Variants in BRAP observed in about 807,000 individuals in gnomAD.
The protein encoded by BRAP is BRCA1-associated protein.
A neutral mutation model predicts 73.4 loss-of-function variants in BRAP; 42 were observed. That is an observed-to-expected ratio of 0.57 (90% CI 0.45 to 0.74). BRAP has a LOEUF of 0.74. BRAP is among the 30% of genes least tolerant of loss of function. The pLI is 0.00. For missense variants in BRAP, 593 were observed against 751.4 expected (o/e 0.79, Z 2.46); for synonymous variants, 255 against 267.4 (o/e 0.95, Z 0.45).
Position 111,659,365 on chromosome 12 carries a change from C to T in BRAP, c.973-20G>A, listed in dbSNP as rs1566116176. Reference sequence around the variant, plus strand: ...AAGATTCTGCCGGAAGAGGTAAGATCTTAATTAGTTAAATAAAAATAAATG... The same window carrying T: ...AAGATTCTGCCGGAAGAGGTAAGATTTTAATTAGTTAAATAAAAATAAATG... On this transcript the variant is annotated intron_variant, in intron 7 of 11. Transcript: ENST00000419234. 6.2e-7 allele frequency: 1 copy of T among 1,601,424 alleles called. No homozygotes were observed. The highest frequency in any genetic ancestry group is 8.5e-7 in the Non-Finnish European group (1 of 1,171,732).
chr12:111,658,083 C>T (rs1254944303), intron 9 of BRAP, among the ~76,000 whole-genome samples: 1 of 151,334 alleles, frequency 6.6e-6, no homozygotes, highest in Non-Finnish European at 1.5e-5. Flanking sequence ...GGATTACAGA[C>T]ATGAACCACC....
At chr12:111,678,405 T>A (rs944882118) in intron 4 of BRAP, among the ~76,000 whole-genome samples, 7 of 151,890 alleles carry the variant, frequency 4.6e-5, no homozygotes, top group Non-Finnish European at 8.8e-5. Flanking sequence ...ACGCCTGTAA[T>A]CCTAGCACTT....
chr12:111,664,951 G>T (rs1172947434), intron 6 of BRAP, among the ~76,000 whole-genome samples: 1 of 152,194 alleles, frequency 6.6e-6, no homozygotes, highest in African/African-American at 2.4e-5. Flanking sequence ...TTATGGCTGT[G>T]ATTTATTTAC....
rs992595861 is a variant in BRAP at position 111,681,828 on chromosome 12, T to C, written c.252A>G (p.Leu84=). The change falls in exon 3 of 12, where the codon CTA becomes CTG. Residue 84 remains leucine (L), a synonymous_variant. Coordinates refer to ENST00000419234, the MANE Select transcript of BRAP (RefSeq NM_006768.5). Reference sequence around the variant, plus strand: ...ACTTCCTTTCTTCCACTGTAGTTTTTAGTTCATCTTTCACCAGTTAAAAAA... The same window carrying C: ...ACTTCCTTTCTTCCACTGTAGTTTTCAGTTCATCTTTCACCAGTTAAAAAA... ...IETMKSNPDE[L]KTTVEERKSS... The C allele has an allele frequency of 1.9e-6, 3 of 1,609,052 alleles. No individual in the cohort carries two copies. The highest frequency in any genetic ancestry group is 1.7e-4 in the Middle Eastern group (1 of 6,038).
chr12:111,682,704 G>C (rs1338727070), intron 2 of BRAP, among the ~76,000 whole-genome samples: 1 of 152,030 alleles, frequency 6.6e-6, no homozygotes, highest in African/African-American at 2.4e-5. Flanking sequence ...TTGAGACCAG[G>C]AGTATGAGAC....
At chr12:111,685,098 C>A (rs986728571) in intron 1 of BRAP, among the ~76,000 whole-genome samples, 4 of 152,224 alleles carry the variant, frequency 2.6e-5, no homozygotes, top group Non-Finnish European at 5.9e-5. Context: ...GTCCAGCTCA[C>A]TGAGTTAGAA....
intron 11 of BRAP, among the ~76,000 whole-genome samples, chr12:111,646,581 T>C (rs1276199681): frequency 6.6e-6 from 1 of 152,176 alleles, no homozygotes; most frequent in Non-Finnish European, 1.5e-5. Flanking sequence ...AACATCAGCC[T>C]GGCCAACATG....
chr12:111,669,013 T>C (rs1199017356), intron 5 of BRAP, among the ~76,000 whole-genome samples: 2 of 152,126 alleles, frequency 1.3e-5, no homozygotes, highest in African/African-American at 2.4e-5. Context: ...AATACCTACT[T>C]TATGATGACT....
chr12:111,681,894 G>C, intron 2 of BRAP, 59 bp from the exon 3 acceptor site: 1 of 1,451,036 alleles, frequency 6.9e-7, no homozygotes, highest in Non-Finnish European at 9.3e-7. Flanking sequence ...TGAAGGATTT[G>C]AACTAGATTA....
chr12:111,681,590 A>C, intron 3 of BRAP, 47 bp downstream of exon 3: 1 of 1,511,780 alleles, frequency 6.6e-7, no homozygotes, highest in Non-Finnish European at 9.0e-7. Flanking sequence ...AAGCAAAAAA[A>C]AAAAAAAAAA....
intron 1 of BRAP, 27 bp from the exon 2 acceptor site, chr12:111,683,334 A>T (rs1375010126): frequency 6.3e-7 from 1 of 1,582,326 alleles, no homozygotes; most frequent in Non-Finnish European, 8.6e-7. Context: ...TGATTAATAC[A>T]AGGTAATAAA....
intron 3 of BRAP, among the ~76,000 whole-genome samples, chr12:111,680,300 T>C (rs773860707): frequency 9.4e-4 from 143 of 152,068 alleles, no homozygotes; most frequent in Non-Finnish European, 1.2e-3. Context: ...TTACAGGAAG[T>C]GTTACCAAGT....
At chr12:111,680,712 A>G (rs1372699780) in intron 3 of BRAP, among the ~76,000 whole-genome samples, 1 of 151,616 alleles carries the variant, frequency 6.6e-6, no homozygotes, top group Admixed American at 6.6e-5. Flanking sequence ...AAAACAAAAA[A>G]CAAAACAAAA....
intron 11 of BRAP, 75 bp downstream of exon 11, chr12:111,649,864 G>A: frequency 2.0e-6 from 2 of 1,008,170 alleles, no homozygotes; most frequent in South Asian, 1.6e-5. Flanking sequence ...TTGAAAATGA[G>A]GGTGTTTCCA....
chr12:111,648,203 C>T (rs1886182763), intron 11 of BRAP, among the ~76,000 whole-genome samples: 1 of 150,336 alleles, frequency 6.7e-6, no homozygotes, highest in Admixed American at 6.7e-5. Flanking sequence ...GAGGCTGAGG[C>T]AGGAGAATCA....
At chr12:111,671,875 A>G (rs920560021) in intron 5 of BRAP, among the ~76,000 whole-genome samples, 1 of 151,738 alleles carries the variant, frequency 6.6e-6, no homozygotes, top group East Asian at 1.9e-4. Context: ...TTGTAGAGAC[A>G]GGGTTTCGTC....
intron 11 of BRAP, among the ~76,000 whole-genome samples, chr12:111,649,271 G>T (rs1042595620): frequency 3.9e-5 from 6 of 152,128 alleles, no homozygotes; most frequent in African/African-American, 1.4e-4. Flanking sequence ...TCCTACTTCA[G>T]CCTCCTGAAT....
chr12:111,658,849 CAGAA>C lies in BRAP; in HGVS notation c.1112-8_1112-5del, dbSNP rs370625234. The C allele has an allele frequency of 2.1e-4, 337 of 1,589,182 alleles. No individual in the cohort carries two copies. The African/African-American group carries it at 4.1e-3, about 19-fold the overall frequency. On this transcript the variant is annotated splice_polypyrimidine_tract_variant and splice_region_variant and intron_variant, in intron 8 of 11. Transcript: ENST00000419234. ...ACCAGTCGATGAACATAGTTATCTACAGAAAGAGTCAACAAAAGTGTGTTTCTTT... is the reference window on the plus strand; with the variant it reads ...ACCAGTCGATGAACATAGTTATCTACAGAGTCAACAAAAGTGTGTTTCTTT...
At chr12:111,682,283 A>G (rs1295777680) in intron 2 of BRAP, among the ~76,000 whole-genome samples, 2 of 152,086 alleles carry the variant, frequency 1.3e-5, no homozygotes, top group Admixed American at 6.6e-5. Flanking sequence ...GCACTTTGGG[A>G]GGTCAAGAGG....
Sources: allele counts gnomAD v4.1 joint callset (sites outside exome capture counted in the v4.1 genomes callset), GRCh38; gene constraint gnomAD v4.1.1; transcripts MANE v1.5; gene names NCBI Gene and HGNC (gene_info 2026-07-23, HGNC 2026-07-21).